The following FBLN1 variants were observed in gnomAD, a reference collection of about 807,000 sequenced individuals.
The protein encoded by FBLN1 is fibulin-1.
Under a neutral mutation model 89.7 loss-of-function variants are expected in FBLN1, and 34 were observed. That is an observed-to-expected ratio of 0.38 (90% CI 0.29 to 0.50). The LOEUF is 0.50. Ranked by LOEUF, FBLN1 falls within the 20% of genes least tolerant of loss-of-function variation. FBLN1 has a pLI of 0.92. For missense variants in FBLN1, 777 were observed against 988.1 expected (o/e 0.79, Z 2.86); for synonymous variants, 393 against 391.3 (o/e 1.00, Z -0.05).
rs529955879 is a variant in FBLN1, at chr22:45,531,168, C to G, written c.485-97C>G. The G allele has an allele frequency of 8.0e-5, 84 of 1,046,476 alleles. No individual in the cohort carries two copies. The highest frequency in any genetic ancestry group is 3.4e-4 in the Admixed American group (20 of 58,794). The allele number at this position is 1,046,476 out of a possible 1,614,324, so 64.8% of individuals were successfully genotyped here. On this transcript the variant is annotated intron_variant, in intron 4 of 16. Transcript: ENST00000327858. The surrounding 1 kb of genome is among the most constrained non-coding windows in gnomAD (Gnocchi z 4.9). ...ATATAAGATGTTCAAATGGGCATTACTGCCTGATAGTGACAAGAAGAGAGA... is the reference window on the plus strand; with the variant it reads ...ATATAAGATGTTCAAATGGGCATTAGTGCCTGATAGTGACAAGAAGAGAGA...
intron 8 of FBLN1, among the ~76,000 whole-genome samples, chr22:45,539,680 C>A (rs369429978): frequency 2.0e-4 from 30 of 152,246 alleles, no homozygotes; most frequent in Admixed American, 3.3e-4. Flanking sequence ...CCATGTGAAT[C>A]CCTGAGAGGG....
chr22:45,527,985 G>C lies in FBLN1; in HGVS notation c.460G>C (p.Asp154His). 6.2e-7 allele frequency: 1 copy of C among 1,614,260 alleles called. No individual in the cohort carries two copies. Among genetic ancestry groups the C allele is most frequent in the South Asian group, 1.1e-5 (1 of 91,080 alleles). The change falls in exon 4 of 17, where the codon GAT becomes CAT. Residue 154 changes from aspartate to histidine, a missense_variant. Physicochemically the swap from Asp to His is moderately conservative, Grantham distance 81. Transcript: ENST00000327858. ...CAAGAGCCAGGAGACCGGAGATTTG[G>C]ATGTCGGGGGCCTCCAAGAAACGGG... Reference protein sequence around the residue: ...CVKSQETGDLDVGGLQETDKI... With the variant: ...CVKSQETGDLHVGGLQETDKI...
At chr22:45,546,905 G>T (rs1204444294) in intron 11 of FBLN1, among the ~76,000 whole-genome samples, 180 bp from the exon 12 acceptor site, 7 of 152,150 alleles carry the variant, frequency 4.6e-5, no homozygotes, top group Non-Finnish European at 7.3e-5. Flanking sequence ...AGGGATGGAG[G>T]GTCCGGAGCC....
In FBLN1 at chr22:45,543,591, C is replaced by G. The variant is rs371708304; in HGVS notation, c.1321+65C>G. ...CCTTCCTCCTGGGGAAGCCACCCTT[C>G]TGCAGACCGGTTTGCAGCAGATCCG... On this transcript the variant is annotated intron_variant, in intron 11 of 16. Coordinates refer to ENST00000327858, the MANE Select transcript of FBLN1 (RefSeq NM_006486.3). The G allele has an allele frequency of 5.1e-6, 8 of 1,584,094 alleles. No homozygotes were observed. The African/African-American group carries it at 8.1e-5, about 16-fold the overall frequency.
At chr22:45,551,314 T>C (rs906334853) in intron 14 of FBLN1, among the ~76,000 whole-genome samples, 2 of 152,216 alleles carry the variant, frequency 1.3e-5, no homozygotes, top group African/African-American at 4.8e-5. Context: ...CTCAGGACTG[T>C]GGACTTGTGA....
intron 8 of FBLN1, among the ~76,000 whole-genome samples, chr22:45,540,405 T>A (rs1180992672): frequency 6.6e-6 from 1 of 152,206 alleles, no homozygotes; most frequent in Non-Finnish European, 1.5e-5. Context: ...CTCATTTGAC[T>A]GAGGAGGGTG....
At chr22:45,559,774 C>T (rs191401560) in intron 14 of FBLN1, among the ~76,000 whole-genome samples, 1 of 152,332 alleles carries the variant, frequency 6.6e-6, no homozygotes, top group Admixed American at 6.5e-5. Flanking sequence ...CTGATCATTT[C>T]CCTTTCCCCA....
rs73444972 is a variant in FBLN1, at chr22:45,576,848, T to C, written c.1841-129T>C. ...CCCACACAGGGGATCTCTGGCTTCA[T>C]TGATGTTGTCTCATGAAAGGGCCCT... On this transcript the variant is annotated intron_variant, in intron 15 of 16. Coordinates refer to ENST00000327858, the MANE Select transcript of FBLN1 (RefSeq NM_006486.3). This position sits in a 1 kb window ranked among gnomAD's most constrained non-coding sequence, Gnocchi z 5.2. The C allele has an allele frequency of 2.6e-3, 2,767 of 1,084,336 alleles. 30 individuals carry two copies. In the African/African-American group the frequency reaches 0.031, roughly 12 times the overall value. The allele number at this position is 1,084,336 out of a possible 1,614,324, so 67.2% of individuals were successfully genotyped here.
intron 16 of FBLN1, among the ~76,000 whole-genome samples, chr22:45,599,084 C>T (rs545036035): frequency 7.9e-5 from 12 of 152,194 alleles, no homozygotes; most frequent in Admixed American, 6.5e-5. Context: ...CTCCCTTACC[C>T]GCTAACCCGG....
chr22:45,547,266 C>T, intron 12 of FBLN1, 62 bp downstream of exon 12: 1 of 1,603,560 alleles, frequency 6.2e-7, no homozygotes, highest in Non-Finnish European at 8.5e-7. Flanking sequence ...GACACAGCAG[C>T]ACGGCCTCTG....
Position 45,562,868 on chromosome 22 carries a change from C to T in FBLN1, c.1698-11643C>T, listed in dbSNP as rs750948574. 42 of 1,584,248 alleles carry T rather than the reference C, an allele frequency of 2.7e-5. No homozygotes were observed. The highest frequency in any genetic ancestry group is 1.7e-4 in the Middle Eastern group (1 of 6,046). On this transcript the variant is annotated intron_variant, in intron 14 of 16. Transcript: ENST00000327858. The surrounding 1 kb of genome is among the most constrained non-coding windows in gnomAD (Gnocchi z 7.8). ...TCTGCCGTTTCTCCGCTTGCTGGAC[C>T]GGCCCTAACCCTCTTCTTGTCTCTC...
At chr22:45,564,017 G>A (rs736765) in intron 14 of FBLN1, among the ~76,000 whole-genome samples, 80,582 of 151,942 alleles carry the variant, frequency 0.53, 22,595 homozygotes, top group Middle Eastern at 0.64. Flanking sequence ...ATACTCACGG[G>A]ATCCTTCATA....
chr22:45,563,703 G>T lies in FBLN1; in HGVS notation c.1698-10808G>T, dbSNP rs928843084. ...CTGAGGCCCAGAGAGAAGGGGAAGG[G>T]TTGGCCAGGGTCGTCTGGCCTGCTG... On this transcript the variant is annotated intron_variant, in intron 14 of 16. Transcript: ENST00000327858. The surrounding 1 kb of genome is among the most constrained non-coding windows in gnomAD (Gnocchi z 5.7). Among the ~76,000 whole-genome samples the T allele has an allele frequency of 1.1e-4, 16 of 152,210 alleles. No individual in the cohort carries two copies. Among genetic ancestry groups the T allele is most frequent in the Admixed American group, 3.9e-4 (6 of 15,282 alleles).
chr22:45,588,146 C>T lies in FBLN1; in HGVS notation c.1972+11038C>T, dbSNP rs1172958839. On this transcript the variant is annotated intron_variant, in intron 16 of 16. Coordinates refer to ENST00000327858, the MANE Select transcript of FBLN1 (RefSeq NM_006486.3). This position sits in a 1 kb window ranked among gnomAD's most constrained non-coding sequence, Gnocchi z 5.1. ...CAGAGCAGGGGAGGGGAGTGGGAGG[C>T]GGGGTGCAGCATGGCGGTACAGCTT... 6.6e-6 allele frequency among the ~76,000 whole-genome samples: 1 copy of T among 151,984 alleles called. No homozygotes were observed. Among genetic ancestry groups the T allele is most frequent in the Non-Finnish European group, 1.5e-5 (1 of 67,992 alleles).
In FBLN1 at chr22:45,502,936, C is replaced by T. The variant is rs918933749; in HGVS notation, c.-50C>T. 3.5e-6 allele frequency: 3 copies of T among 867,578 alleles called. No individual in the cohort carries two copies. The highest frequency in any genetic ancestry group is 4.2e-6 in the Non-Finnish European group (3 of 707,650). The allele number at this position is 867,578 out of a possible 1,614,324, so 53.7% of individuals were successfully genotyped here. A position where few individuals can be genotyped will look rare whatever the true frequency, so the allele number is the denominator to read the frequency against. ...GGAGCCCGCGCCGCTGCCCCAGGAC[C>T]GCGCCCGCGCCTTTGTCCGCCGCCG... is the stretch of plus-strand genomic sequence containing the variant. On this transcript the variant is annotated 5_prime_UTR_variant, in exon 1 of 17. Coordinates refer to ENST00000327858, the MANE Select transcript of FBLN1 (RefSeq NM_006486.3).
At position 45,588,965 on chromosome 22, in the gene FBLN1, T is replaced by C. The variant is rs1216090195; in HGVS notation, c.1973-11342T>C. 6.6e-6 allele frequency among the ~76,000 whole-genome samples: 1 copy of C among 151,392 alleles called. No homozygotes were observed. Among genetic ancestry groups the C allele is most frequent in the African/African-American group, 2.4e-5 (1 of 41,284 alleles). ...TTCCAGGCGGACTCTGCTAGGAACA[T>C]TCCATCTGTGGCCAAGGCTATCACA... is the stretch of plus-strand genomic sequence containing the variant. On this transcript the variant is annotated intron_variant, in intron 16 of 16. Transcript: ENST00000327858. This position sits in a 1 kb window ranked among gnomAD's most constrained non-coding sequence, Gnocchi z 5.1.
At chr22:45,547,019 C>G (rs2146989019) in intron 11 of FBLN1, 66 bp from the exon 12 acceptor site, 2 of 1,611,358 alleles carry the variant, frequency 1.2e-6, no homozygotes, top group Middle Eastern at 3.3e-4. Context: ...TTCACTGACC[C>G]TGAGGGCTAC....
chr22:45,587,831 T>C (rs553556747), intron 16 of FBLN1, among the ~76,000 whole-genome samples: 3 of 152,346 alleles, frequency 2.0e-5, no homozygotes, highest in East Asian at 3.9e-4. Flanking sequence ...TCCAAGCCGA[T>C]GTCAGCTGTC....
chr22:45,503,716 G>A (rs897383080), intron 1 of FBLN1, among the ~76,000 whole-genome samples: 27 of 152,188 alleles, frequency 1.8e-4, no homozygotes, highest in Admixed American at 1.7e-3. Context: ...AGGGCCCAAG[G>A]CAGTGGTTCT....
Sources: allele counts gnomAD v4.1 joint callset (sites outside exome capture counted in the v4.1 genomes callset), GRCh38; gene constraint gnomAD v4.1.1; non-coding constraint Gnocchi (gnomAD v3.1); transcripts MANE v1.5; gene names NCBI Gene and HGNC (gene_info 2026-07-23, HGNC 2026-07-21).